TMPRSS12: variants seen among roughly 807,000 people sequenced by gnomAD.
TMPRSS12 encodes the protein transmembrane serine protease 12, also known as transmembrane protease serine 12.
In TMPRSS12, 25 loss-of-function variants were observed where a neutral mutation model predicts 26.0. That is an observed-to-expected ratio of 0.96 (90% CI 0.70 to 1.34). TMPRSS12 has a LOEUF of 1.34. TMPRSS12 is among the 40% of genes most tolerant of loss of function. TMPRSS12 has a pLI of 0.00. For synonymous variants in TMPRSS12, 150 were observed against 161.7 expected (o/e 0.93, Z 0.55); for missense variants, 441 against 440.1 (o/e 1.00, Z -0.02).
intron 2 of TMPRSS12, among the ~76,000 whole-genome samples, chr12:50,844,622 G>A (rs1429621472): frequency 2.0e-5 from 3 of 151,984 alleles, no homozygotes; most frequent in Non-Finnish European, 1.5e-5. Context: ...TGATCTGCCC[G>A]CCTCAGCCTC....
At chr12:50,880,355 A>C (rs1188157460) in intron 3 of TMPRSS12, among the ~76,000 whole-genome samples, 1 of 152,066 alleles carries the variant, frequency 6.6e-6, no homozygotes, top group Non-Finnish European at 1.5e-5. Flanking sequence ...GCTGTACTAC[A>C]CTCCAGCATG....
chr12:50,885,527 T>C (rs1197642221), intron 4 of TMPRSS12, 139 bp downstream of exon 4: 2 of 1,058,636 alleles, frequency 1.9e-6, no homozygotes, highest in Admixed American at 3.7e-5. Context: ...TTTTAACTAT[T>C]TCAACAATCC....
intron 2 of TMPRSS12, chr12:50,847,986 AT>A (rs1937789209): frequency 6.6e-6 from 1 of 151,996 alleles, no homozygotes; most frequent in African/African-American, 2.4e-5. Flanking sequence ...CACCAGTAAT[AT>A]GAGGTACGGG....
At chr12:50,852,191 A>G (rs1937832226) in intron 2 of TMPRSS12, among the ~76,000 whole-genome samples, 1 of 152,222 alleles carries the variant, frequency 6.6e-6, no homozygotes, top group South Asian at 2.1e-4. Context: ...AAATCTGCAT[A>G]TATCAACTTT....
chr12:50,887,345 C>T lies in TMPRSS12; in HGVS notation c.879C>T (p.Gly293=). Residue 293 remains glycine, a synonymous_variant, in exon 5 of 5, where the codon GGC becomes GGT. Coordinates refer to ENST00000398458, the MANE Select transcript of TMPRSS12 (RefSeq NM_182559.3). The part of the protein sequence containing the change: ...FVMGITSYGH[G]CGRRGFPGVY... ...TGGGAATTACCAGTTACGGACATGGCTGTGGTCGAAGAGGTTTTCCTGGTG... is the reference window on the plus strand; with the variant it reads ...TGGGAATTACCAGTTACGGACATGGTTGTGGTCGAAGAGGTTTTCCTGGTG... The T allele has an allele frequency of 6.2e-7, 1 of 1,613,900 alleles. No homozygotes were observed. The highest frequency in any genetic ancestry group is 8.5e-7 in the Non-Finnish European group (1 of 1,179,856).
intron 3 of TMPRSS12, among the ~76,000 whole-genome samples, chr12:50,881,710 C>T (rs1318375975): frequency 2.0e-5 from 3 of 151,566 alleles, no homozygotes; most frequent in Non-Finnish European, 4.4e-5. Context: ...GTGGCTCACG[C>T]CTGTAATCCC....
At chr12:50,845,450 C>T (rs1210351483) in intron 2 of TMPRSS12, among the ~76,000 whole-genome samples, 4 of 152,154 alleles carry the variant, frequency 2.6e-5, no homozygotes, top group Non-Finnish European at 5.9e-5. Flanking sequence ...TCTAATCTAC[C>T]TCTGTTTCAG....
chr12:50,884,638 G>A (rs1235460371), intron 3 of TMPRSS12, among the ~76,000 whole-genome samples: 5 of 152,166 alleles, frequency 3.3e-5, no homozygotes, highest in Admixed American at 2.6e-4. Context: ...TTGGGAGGCC[G>A]AGATGAGTGG....
chr12:50,882,052 G>C (rs1273148956), intron 3 of TMPRSS12, among the ~76,000 whole-genome samples: 1 of 111,816 alleles, frequency 8.9e-6, no homozygotes, highest in Non-Finnish European at 1.8e-5. Context: ...TGTTTATTTA[G>C]TTAGTTAGTT....
chr12:50,887,708 T>A lies in TMPRSS12; in HGVS notation c.*195T>A. On this transcript the variant is annotated 3_prime_UTR_variant, in exon 5 of 5. Coordinates refer to ENST00000398458, the MANE Select transcript of TMPRSS12 (RefSeq NM_182559.3). ...CTGAATCACATGTCTCCTTGAAATA[T>A]CTTGATTATTTTATAATCATAATTC... The A allele has an allele frequency of 3.6e-6, 2 of 561,114 alleles. No individual in the cohort carries two copies. The highest frequency in any genetic ancestry group is 9.6e-4 in the Middle Eastern group (2 of 2,078). 34.8% of individuals were successfully genotyped at this position (561,114 alleles called of 1,614,324 possible).
chr12:50,872,172 C>T (rs1031996038), intron 3 of TMPRSS12, among the ~76,000 whole-genome samples: 9 of 152,160 alleles, frequency 5.9e-5, no homozygotes, highest in African/African-American at 2.2e-4. Flanking sequence ...TTCGCAATTG[C>T]AGAATCGTGG....
At chr12:50,874,707 T>C (rs10783398) in intron 3 of TMPRSS12, among the ~76,000 whole-genome samples, 53,443 of 151,946 alleles carry the variant, frequency 0.35, 9,709 homozygotes, top group African/African-American at 0.45. Context: ...TAAATGACTT[T>C]GGTAAAGTTC....
chr12:50,862,312 C>G (rs829144), intron 3 of TMPRSS12, among the ~76,000 whole-genome samples: 98,601 of 152,080 alleles, frequency 0.65, 32,282 homozygotes, highest in Non-Finnish European at 0.7. Context: ...GAAACTTAGA[C>G]AGGGAACTGG....
At chr12:50,885,602 T>TC (rs755136870) in intron 4 of TMPRSS12, 57 of 634,576 alleles carry the variant, frequency 9.0e-5, no homozygotes, top group Non-Finnish European at 1.1e-4. Flanking sequence ...TACCTTGAAT[T>TC]CTTTTTTTTA....
chr12:50,843,152 G>C lies in TMPRSS12; in HGVS notation c.187+1G>C, dbSNP rs1937730366. 1 of 1,556,708 alleles carries C rather than the reference G, an allele frequency of 6.4e-7. No homozygotes were observed. ...AGGGAGGGAGGGGCGCATGCAGAGG[G>C]CAGTACCTGTTCGTGCCTGTCTCTG... On this transcript the variant is annotated splice_donor_variant, in intron 1 of 4. Coordinates refer to ENST00000398458, the MANE Select transcript of TMPRSS12 (RefSeq NM_182559.3). LOFTEE classifies it high-confidence loss of function.
chr12:50,884,073 A>G (rs1473425169), intron 3 of TMPRSS12, among the ~76,000 whole-genome samples: 4 of 152,218 alleles, frequency 2.6e-5, no homozygotes, highest in Non-Finnish European at 5.9e-5. Context: ...TTAAAGGATA[A>G]AAAATATTTT....
At position 50,858,970 on chromosome 12, in the gene TMPRSS12, T is replaced by C. The variant is rs780417506; in HGVS notation, c.569T>C (p.Ile190Thr). 6.9e-6 allele frequency: 11 copies of C among 1,597,404 alleles called. No individual in the cohort carries two copies. Among genetic ancestry groups the C allele is most frequent in the Non-Finnish European group, 9.4e-6 (11 of 1,171,226 alleles). Residue 190 changes from isoleucine to threonine, a missense_variant, in exon 3 of 5, where the codon ATT becomes ACT. Ile to Thr is a moderately conservative substitution (Grantham distance 89). Transcript: ENST00000398458. Reference protein sequence around the residue: ...AVRYNDYIQPICLPFDVFQIL... With the variant: ...AVRYNDYIQPTCLPFDVFQIL... ...AGGTATAATGACTATATTCAGCCTA[T>C]TTGCCTACCTTTTGATGTTTTCCAA...
At chr12:50,856,018 T>C (rs1033995790) in intron 2 of TMPRSS12, among the ~76,000 whole-genome samples, 2 of 152,032 alleles carry the variant, frequency 1.3e-5, no homozygotes, top group African/African-American at 4.8e-5. Flanking sequence ...TGAGTACACA[T>C]GGACATGAAG....
chr12:50,863,888 G>C (rs1185488443), intron 3 of TMPRSS12, among the ~76,000 whole-genome samples: 1 of 152,176 alleles, frequency 6.6e-6, no homozygotes, highest in African/African-American at 2.4e-5. Flanking sequence ...CTGTATTTCA[G>C]TGACAGAGAT....
Sources: gnomAD v4.1 joint callset for allele counts (sites outside exome capture counted in the v4.1 genomes callset) on GRCh38, gnomAD v4.1.1 for gene constraint, MANE v1.5 for transcripts, NCBI Gene and HGNC (gene_info 2026-07-23, HGNC 2026-07-21) for gene names.